The following VPS13C variants were observed in gnomAD, a reference collection of about 807,000 sequenced individuals.
VPS13C encodes intermembrane lipid transfer protein VPS13C.
A neutral mutation model predicts 456.8 loss-of-function variants in VPS13C; 358 were observed. The ratio of observed to expected loss-of-function variants is 0.78; its 90% CI spans 0.72 to 0.86. VPS13C has a LOEUF of 0.86. Among genes scored for constraint, VPS13C ranks in the 40% least tolerant of loss-of-function variants. The pLI is 0.00. For missense variants in VPS13C, 4,818 were observed against 4,385.4 expected (o/e 1.10, Z -2.79); for synonymous variants, 1,578 against 1,486.7 (o/e 1.06, Z -1.41).
At chr15:62,029,900 T>C (rs902787448) in intron 5 of VPS13C, among the ~76,000 whole-genome samples, 2 of 152,098 alleles carry the variant, frequency 1.3e-5, no homozygotes, top group Non-Finnish European at 2.9e-5. Context: ...GGTGCATCCA[T>C]TCTTAAAAGC....
chr15:62,012,218 T>TCA, intron 11 of VPS13C, 54 bp from the exon 12 acceptor site: 2 of 759,356 alleles, frequency 2.6e-6, no homozygotes, highest in African/African-American at 2.6e-5. Context: ...ATATTCAGAC[T>TCA]CAGACACACA....
chr15:61,889,393 A>T (rs902039198), intron 67 of VPS13C, among the ~76,000 whole-genome samples: 4 of 152,056 alleles, frequency 2.6e-5, no homozygotes, highest in African/African-American at 9.7e-5. Flanking sequence ...GTGTTGTGCA[A>T]AGTTCATTAC....
At chr15:61,994,187 A>G (rs189449952) in intron 16 of VPS13C, among the ~76,000 whole-genome samples, 38 of 152,280 alleles carry the variant, frequency 2.5e-4, no homozygotes, top group Non-Finnish European at 5.1e-4. Flanking sequence ...AATCAATGTT[A>G]GATAGATCAA....
chr15:61,922,067 C>G (rs1426453079), intron 54 of VPS13C, 34 bp from the exon 55 acceptor site: 28 of 1,597,642 alleles, frequency 1.8e-5, no homozygotes, highest in Non-Finnish European at 2.4e-5. Context: ...TAAGACAGTC[C>G]TTTGGCTTTA....
chr15:62,042,209 A>G (rs1323454378), intron 2 of VPS13C, among the ~76,000 whole-genome samples: 1 of 152,198 alleles, frequency 6.6e-6, no homozygotes, highest in Non-Finnish European at 1.5e-5. Context: ...AAATAATAAT[A>G]AACTTTCACT....
intron 1 of VPS13C, among the ~76,000 whole-genome samples, chr15:62,050,835 G>T (rs2048593990): frequency 6.7e-6 from 1 of 149,068 alleles, no homozygotes; most frequent in South Asian, 2.1e-4. Flanking sequence ...AGTAAATCCT[G>T]GATCAAAACT....
At chr15:62,057,565 G>A (rs769790438) in intron 1 of VPS13C, among the ~76,000 whole-genome samples, 1 of 152,234 alleles carries the variant, frequency 6.6e-6, no homozygotes. Context: ...CAGAGGCAGA[G>A]TTGTGAGCTG....
At chr15:61,960,246 C>A (rs1486293327) in intron 35 of VPS13C, among the ~76,000 whole-genome samples, 1 of 152,142 alleles carries the variant, frequency 6.6e-6, no homozygotes, top group Non-Finnish European at 1.5e-5. Context: ...TGGAACCGGA[C>A]TGTAGTCTTC....
Position 62,044,195 on chromosome 15 carries a change from G to T in VPS13C, c.144+17C>A. Reference sequence around the variant, plus strand: ...CCAAATTAAGTGAGTTATTAGCATAGTTTAAAAAAAACTTACCAGGGCATT... The same window carrying T: ...CCAAATTAAGTGAGTTATTAGCATATTTTAAAAAAAACTTACCAGGGCATT... On this transcript the variant is annotated intron_variant, in intron 2 of 84. Transcript: ENST00000644861. 1 of 1,466,980 alleles carries T rather than the reference G, an allele frequency of 6.8e-7. No individual in the cohort carries two copies. The highest frequency in any genetic ancestry group is 1.4e-5 in the African/African-American group (1 of 70,722). The allele number at this position is 1,466,980 out of a possible 1,614,324, so 90.9% of individuals were successfully genotyped here. A position where few individuals can be genotyped will look rare whatever the true frequency, so the allele number is the denominator to read the frequency against.
chr15:61,897,358 A>C (rs913061282), intron 66 of VPS13C, among the ~76,000 whole-genome samples: 9 of 152,176 alleles, frequency 5.9e-5, no homozygotes, highest in African/African-American at 1.9e-4. Context: ...CTTTGAAAAA[A>C]ATTTAGAAGA....
chr15:62,027,615 C>T (rs2047680151), intron 6 of VPS13C, among the ~76,000 whole-genome samples: 9 of 152,170 alleles, frequency 5.9e-5, no homozygotes, highest in Admixed American at 2.6e-4. Context: ...AAGATACAGA[C>T]CCACTTGCCA....
intron 66 of VPS13C, among the ~76,000 whole-genome samples, chr15:61,901,061 A>G (rs1249710748): frequency 6.6e-6 from 1 of 151,904 alleles, no homozygotes; most frequent in Non-Finnish European, 1.5e-5. Flanking sequence ...AGCCATATGT[A>G]GAAAGCTGAA....
Position 62,034,970 on chromosome 15 carries a change from A to C in VPS13C, c.270T>G (p.Val90=), listed in dbSNP as rs776988002. 1 of 1,593,996 alleles carries C rather than the reference A, an allele frequency of 6.3e-7. No individual in the cohort carries two copies. Among genetic ancestry groups the C allele is most frequent in the Non-Finnish European group, 8.6e-7 (1 of 1,169,150 alleles). Residue 90 remains valine (V), a synonymous_variant, in exon 4 of 85, where the codon GTT becomes GTG. Coordinates refer to ENST00000644861, the MANE Select transcript of VPS13C (RefSeq NM_020821.3). ...AAAATAACATACTTGCTCCAGGGAC[A>C]ACAAGCAGGTATAATCCTTCCAGGG... The part of the protein sequence containing the change: ...VATLEGLYLL[V]VPGASIKYDA...
At chr15:62,011,878 G>T (rs1158419980) in intron 12 of VPS13C, among the ~76,000 whole-genome samples, 1 of 151,848 alleles carries the variant, frequency 6.6e-6, no homozygotes, top group African/African-American at 2.4e-5. Context: ...TTGGCTGTAG[G>T]GAATGAACTA....
intron 40 of VPS13C, among the ~76,000 whole-genome samples, chr15:61,950,666 T>G (rs187026598): frequency 9.9e-4 from 150 of 151,956 alleles, no homozygotes; most frequent in Admixed American, 1.2e-3. Flanking sequence ...ATATCTAGAT[T>G]AGGTACACTA....
intron 1 of VPS13C, among the ~76,000 whole-genome samples, chr15:62,051,449 T>C (rs1029972551): frequency 2.6e-5 from 4 of 152,224 alleles, no homozygotes; most frequent in African/African-American, 9.6e-5. Context: ...AGCCCAAGAA[T>C]CCTATGGCAA....
Position 62,030,849 on chromosome 15 carries a change from T to C in VPS13C, c.386-2429A>G, listed in dbSNP as rs1180404633. Among the ~76,000 whole-genome samples the C allele has an allele frequency of 3.3e-5, 5 of 152,182 alleles. No homozygotes were observed. In the East Asian group the frequency reaches 9.7e-4, roughly 29 times the overall value. ...AATATTACTAACTCAAAGGAGTTGG[T>C]CTGGAGGGTAGCAAAGGATGAAACA... On this transcript the variant is annotated intron_variant, in intron 5 of 84. Coordinates refer to ENST00000644861, the MANE Select transcript of VPS13C (RefSeq NM_020821.3).
chr15:61,972,479 A>G (rs2045584122), intron 27 of VPS13C, 146 bp downstream of exon 27: 2 of 652,464 alleles, frequency 3.1e-6, no homozygotes, highest in Non-Finnish European at 5.0e-6. Flanking sequence ...AGTGTGTGTG[A>G]GAGTGTGTAT....
At chr15:61,997,250 T>C (rs968385699) in intron 16 of VPS13C, among the ~76,000 whole-genome samples, 1 of 152,202 alleles carries the variant, frequency 6.6e-6, no homozygotes. Context: ...GTTACATTCA[T>C]ACAGCTTCCC....
Sources: gnomAD v4.1 joint callset for allele counts (sites outside exome capture counted in the v4.1 genomes callset) on GRCh38, gnomAD v4.1.1 for gene constraint, MANE v1.5 for transcripts, NCBI Gene and HGNC (gene_info 2026-07-23, HGNC 2026-07-21) for gene names.